TBC1D14: variants seen among roughly 807,000 people sequenced by gnomAD.
The protein encoded by TBC1D14 is TBC1 domain family, member 14.
A neutral mutation model predicts 79.0 loss-of-function variants in TBC1D14; 26 were observed. The ratio of observed to expected loss-of-function variants is 0.33; its 90% CI spans 0.24 to 0.46. The LOEUF is 0.46. Among genes scored for constraint, TBC1D14 ranks in the 20% least tolerant of loss-of-function variants. The pLI is 1.00. For missense variants in TBC1D14, 769 were observed against 887.6 expected, an observed-to-expected ratio of 0.87 and a Z score of 1.70; for synonymous variants, 394 against 349.9, an observed-to-expected ratio of 1.13 and a Z score of -1.40.
At chr4:7,009,755 G>T in intron 9 of TBC1D14, 122 bp from the exon 10 acceptor site, 1 of 968,288 alleles carries the variant, frequency 1.0e-6, no homozygotes, top group Non-Finnish European at 1.7e-6. Context: ...CATCATGCTT[G>T]GCATATTTCA....
At chr4:6,985,090 T>C (rs1192813235) in intron 3 of TBC1D14, among the ~76,000 whole-genome samples, 1 of 152,240 alleles carries the variant, frequency 6.6e-6, no homozygotes, top group South Asian at 2.1e-4. Context: ...ATATTTACTT[T>C]ATTGTGCCTC....
At chr4:6,951,993 G>C (rs1280153440) in intron 2 of TBC1D14, among the ~76,000 whole-genome samples, 3 of 152,160 alleles carry the variant, frequency 2.0e-5, no homozygotes, top group Admixed American at 6.5e-5. Context: ...GGCTGGGAAG[G>C]CTTTGGCTGA....
intron 1 of TBC1D14, among the ~76,000 whole-genome samples, chr4:6,913,696 G>A (rs777196137): frequency 3.3e-5 from 5 of 152,130 alleles, no homozygotes; most frequent in Admixed American, 6.5e-5. Context: ...AAACTATACC[G>A]GTTTTAAGTA....
chr4:7,029,185 C>G (rs111732949), intron 13 of TBC1D14, among the ~76,000 whole-genome samples: 4 of 152,286 alleles, frequency 2.6e-5, no homozygotes, highest in African/African-American at 9.6e-5. Context: ...AGCCAGCAAC[C>G]CCATTTACTT....
intron 1 of TBC1D14, among the ~76,000 whole-genome samples, chr4:6,916,122 A>G (rs1343175163): frequency 1.3e-4 from 9 of 70,802 alleles, no homozygotes; most frequent in Non-Finnish European, 2.0e-4. Flanking sequence ...GCAAAGCTCC[A>G]TCTCAGGAAA....
At chr4:6,917,128 C>T (rs1232552932) in intron 1 of TBC1D14, among the ~76,000 whole-genome samples, 1 of 152,202 alleles carries the variant, frequency 6.6e-6, no homozygotes, top group Non-Finnish European at 1.5e-5. Context: ...GTAGTCTCAC[C>T]TCCAGCTCTC....
At chr4:6,916,560 C>T (rs1013888525) in intron 1 of TBC1D14, among the ~76,000 whole-genome samples, 4 of 152,172 alleles carry the variant, frequency 2.6e-5, no homozygotes, top group East Asian at 1.9e-4. Flanking sequence ...CAAAGCCCCA[C>T]GCAGAGTCAC....
At chr4:6,996,744 A>G (rs1262926390) in intron 5 of TBC1D14, among the ~76,000 whole-genome samples, 1 of 152,306 alleles carries the variant, frequency 6.6e-6, no homozygotes, top group East Asian at 1.9e-4. Flanking sequence ...GTAAAGCCCC[A>G]GGCTTTGGAG....
intron 12 of TBC1D14, among the ~76,000 whole-genome samples, chr4:7,024,375 G>T (rs1722126151): frequency 6.6e-6 from 1 of 152,102 alleles, no homozygotes. Context: ...ACCCAGCTGG[G>T]GATCCCCACC....
At chr4:6,991,427 G>C (rs895076078) in intron 3 of TBC1D14, among the ~76,000 whole-genome samples, 2 of 152,222 alleles carry the variant, frequency 1.3e-5, no homozygotes, top group Non-Finnish European at 2.9e-5. Flanking sequence ...GGGTCCCCGT[G>C]TGTGTTTGGT....
chr4:6,938,964 C>A (rs114185470), intron 2 of TBC1D14, among the ~76,000 whole-genome samples: 370 of 152,288 alleles, frequency 2.4e-3, no homozygotes, highest in African/African-American at 8.7e-3. Context: ...GCGGCGCCAT[C>A]CCCCAGGCTC....
intron 2 of TBC1D14, among the ~76,000 whole-genome samples, chr4:6,959,995 T>C (rs1691629820): frequency 6.6e-6 from 1 of 152,144 alleles, no homozygotes; most frequent in South Asian, 2.1e-4. Flanking sequence ...TGAACTTTTT[T>C]CCATCAGCAA....
chr4:6,920,477 G>A (rs1000761232), intron 1 of TBC1D14, among the ~76,000 whole-genome samples: 8 of 152,034 alleles, frequency 5.3e-5, no homozygotes, highest in African/African-American at 1.9e-4. Flanking sequence ...CTTTTGCTGT[G>A]TTGACACTGA....
chr4:7,021,280 G>A (rs543610004), intron 12 of TBC1D14, among the ~76,000 whole-genome samples: 2 of 152,334 alleles, frequency 1.3e-5, no homozygotes, highest in South Asian at 2.1e-4. Context: ...TGAGAGACAC[G>A]TCATTTGTTT....
intron 3 of TBC1D14, among the ~76,000 whole-genome samples, chr4:6,992,966 G>A (rs1242018351): frequency 1.3e-5 from 2 of 152,174 alleles, no homozygotes; most frequent in Non-Finnish European, 2.9e-5. Context: ...ACTGCTTCTT[G>A]GTGCACGTCC....
chr4:6,955,261 C>T (rs565112558), intron 2 of TBC1D14, among the ~76,000 whole-genome samples: 3 of 152,166 alleles, frequency 2.0e-5, no homozygotes, highest in South Asian at 2.1e-4. Flanking sequence ...AAGTATACCT[C>T]GGAAGTGGGA....
intron 2 of TBC1D14, among the ~76,000 whole-genome samples, chr4:6,951,592 C>T (rs1258730988): frequency 6.6e-6 from 1 of 152,234 alleles, no homozygotes; most frequent in Non-Finnish European, 1.5e-5. Context: ...CCCCCTCCCT[C>T]ACAGACTTTG....
In TBC1D14 at chr4:6,918,253, A is replaced by G. The variant is rs751152532; in HGVS notation, c.-17-5120A>G. Reference sequence around the variant, plus strand: ...CTTGGATTGCCATGAATGAAATCCTATAGTTTCACCAAAATGGTTTCCAAT... The same window carrying G: ...CTTGGATTGCCATGAATGAAATCCTGTAGTTTCACCAAAATGGTTTCCAAT... On this transcript the variant is annotated intron_variant, in intron 1 of 13. Transcript: ENST00000409757. Among the ~76,000 whole-genome samples, 6 of 152,216 alleles carry G rather than the reference A, an allele frequency of 3.9e-5. No homozygotes were observed. The East Asian group carries it at 1.2e-3, about 29-fold the overall frequency.
At chr4:6,994,123 T>C (rs1046098805) in intron 3 of TBC1D14, 61 bp from the exon 4 acceptor site, 2 of 1,402,726 alleles carry the variant, frequency 1.4e-6, no homozygotes, top group Non-Finnish European at 2.0e-6. Context: ...CTTTCTTACT[T>C]TCCGAAGGAC....
Sources: gnomAD v4.1 joint callset for allele counts (sites outside exome capture counted in the v4.1 genomes callset) on GRCh38, gnomAD v4.1.1 for gene constraint, MANE v1.5 for transcripts, NCBI Gene and HGNC (gene_info 2026-07-23, HGNC 2026-07-21) for gene names.